Variants in COL13A1 observed in about 807,000 individuals in gnomAD.
COL13A1 encodes collagen type XIII alpha 1 chain.
A neutral mutation model predicts 130.9 loss-of-function variants in COL13A1; 89 were observed. The ratio of observed to expected loss-of-function variants is 0.68; its 90% CI spans 0.57 to 0.81. The LOEUF (loss-of-function observed/expected upper bound fraction) is 0.81. COL13A1 is among the 30% of genes least tolerant of loss of function. COL13A1 has a pLI of 0.00. For missense variants in COL13A1, 879 were observed against 934.6 expected, an observed-to-expected ratio of 0.94 and a Z score of 0.78; for synonymous variants, 402 against 341.6, an observed-to-expected ratio of 1.18 and a Z score of -1.95.
chr10:69,912,530 G>C (rs973959535), intron 17 of COL13A1, among the ~76,000 whole-genome samples: 1 of 152,106 alleles, frequency 6.6e-6, no homozygotes, highest in Middle Eastern at 3.4e-3. Flanking sequence ...CTTGAGGCTT[G>C]AGCTGTCCAC....
intron 27 of COL13A1, among the ~76,000 whole-genome samples, chr10:69,928,519 C>T (rs1490785788): frequency 6.6e-6 from 1 of 152,204 alleles, no homozygotes; most frequent in Admixed American, 6.5e-5. Flanking sequence ...TTGTCATCAG[C>T]ACTTGGTTCT....
intron 17 of COL13A1, among the ~76,000 whole-genome samples, chr10:69,912,569 G>A (rs952840101): frequency 4.9e-5 from 2 of 41,044 alleles, no homozygotes; most frequent in South Asian, 1.1e-3. Flanking sequence ...ACCCCTCCCC[G>A]CAAACTCCCC....
chr10:69,898,118 T>G (rs920263985), intron 13 of COL13A1, among the ~76,000 whole-genome samples: 1 of 152,156 alleles, frequency 6.6e-6, no homozygotes, highest in Non-Finnish European at 1.5e-5. Context: ...GCACTGCCCT[T>G]GACCACCCTC....
chr10:69,920,921 G>A (rs1363135092), intron 21 of COL13A1, among the ~76,000 whole-genome samples: 1 of 152,212 alleles, frequency 6.6e-6, no homozygotes, highest in Non-Finnish European at 1.5e-5. Context: ...TCTGTGAAAT[G>A]AGAATGGGGT....
chr10:69,937,695 C>G lies in COL13A1; in HGVS notation c.1858C>G (p.Arg620Gly). 1 of 1,567,576 alleles carries G rather than the reference C, an allele frequency of 6.4e-7. No homozygotes were observed. Among genetic ancestry groups the G allele is most frequent in the Non-Finnish European group, 8.8e-7 (1 of 1,137,600 alleles). ...EKGFQGEKGD[R>G]GPLGLPGASG... Reference sequence around the variant, plus strand: ...AGGCTTCCAGGGAGAAAAAGGAGACCGTGGTCCCCTGGGACTACCCGTAAG... The same window carrying G: ...AGGCTTCCAGGGAGAAAAAGGAGACGGTGGTCCCCTGGGACTACCCGTAAG... The change falls in exon 34 of 41, where the codon CGT becomes GGT. Residue 620 changes from arginine (R) to glycine (G), a missense_variant. Arg to Gly is a moderately radical substitution (Grantham distance 125). Transcript: ENST00000645393.
chr10:69,937,793 G>A, intron 34 of COL13A1, 78 bp downstream of exon 34: 1 of 727,742 alleles, frequency 1.4e-6, no homozygotes, highest in South Asian at 1.6e-5. Context: ...ACAGCCAGCG[G>A]AAAGCTAAGG....
intron 1 of COL13A1, among the ~76,000 whole-genome samples, chr10:69,814,454 G>A (rs554756859): frequency 6.6e-6 from 1 of 152,314 alleles, no homozygotes; most frequent in East Asian, 1.9e-4. Flanking sequence ...CCTGGCACTG[G>A]CTCAAGAGAG....
At chr10:69,860,843 T>C in intron 2 of COL13A1, 1 of 168,396 alleles carries the variant, frequency 5.9e-6, no homozygotes. Flanking sequence ...GCTCAAACTG[T>C]CTCACCAGAG....
intron 6 of COL13A1, 44 bp downstream of exon 6, chr10:69,878,109 C>T: frequency 1.4e-6 from 1 of 702,668 alleles, no homozygotes; most frequent in Middle Eastern, 2.3e-4. Context: ...CAGCCTCCTC[C>T]TCCAGGTGGA....
At chr10:69,930,580 G>T (rs191277764) in intron 30 of COL13A1, 28 bp downstream of exon 30, 2 of 1,605,586 alleles carry the variant, frequency 1.2e-6, no homozygotes, top group Admixed American at 1.7e-5. Flanking sequence ...CTGCCCTTCC[G>T]TGCATACACC....
At chr10:69,918,759 CA>C (rs2064244086) in intron 19 of COL13A1, among the ~76,000 whole-genome samples, 1 of 152,238 alleles carries the variant, frequency 6.6e-6, no homozygotes, top group Non-Finnish European at 1.5e-5. Flanking sequence ...GGTGCACTTA[CA>C]GGGGGCACCA....
At chr10:69,827,926 C>A (rs184092430) in intron 2 of COL13A1, among the ~76,000 whole-genome samples, 1 of 152,272 alleles carries the variant, frequency 6.6e-6, no homozygotes, top group Non-Finnish European at 1.5e-5. Flanking sequence ...TCTTTGTGGT[C>A]CTTCTTATTT....
chr10:69,836,798 C>G (rs1286772132), intron 2 of COL13A1, among the ~76,000 whole-genome samples: 6 of 152,222 alleles, frequency 3.9e-5, no homozygotes, highest in Admixed American at 3.3e-4. Flanking sequence ...CAAGTATGGG[C>G]AGAGGCTCCC....
At chr10:69,908,285 T>C (rs914552461) in intron 17 of COL13A1, among the ~76,000 whole-genome samples, 1 of 152,176 alleles carries the variant, frequency 6.6e-6, no homozygotes, top group South Asian at 2.1e-4. Context: ...GTGAATGAAA[T>C]GGCAAGACCT....
rs145723157 is a variant in COL13A1 at position 69,910,899 on chromosome 10, G to C, written c.921+5077G>C. On this transcript the variant is annotated intron_variant, in intron 17 of 40. Coordinates refer to ENST00000645393, the MANE Select transcript of COL13A1 (RefSeq NM_001368882.1). ...GGGGGCGCATTTGATGCCTGTGGTG[G>C]CCTGGATGTTAAGCCTCATGGTTTG... 4.5e-4 allele frequency among the ~76,000 whole-genome samples: 69 copies of C among 152,336 alleles called. No homozygotes were observed. The East Asian group carries it at 0.012, about 27-fold the overall frequency.
In COL13A1 at chr10:69,830,295, A is replaced by G. The variant is rs114423468; in HGVS notation, c.364+7857A>G. Among the ~76,000 whole-genome samples, 1,105 of 152,384 alleles carry G rather than the reference A, an allele frequency of 7.3e-3. 13 individuals carry two copies. The highest frequency in any genetic ancestry group is 0.025 in the African/African-American group (1,036 of 41,586). ...ATGCTCACTGCAACACTACTGTAGT[A>G]AGAAAAAAGGAAAAGAAAAGAAAAG... On this transcript the variant is annotated intron_variant, in intron 2 of 40. Transcript: ENST00000645393.
In COL13A1 at chr10:69,846,940, A is replaced by T. The variant is rs539240391; in HGVS notation, c.365-20858A>T. On this transcript the variant is annotated intron_variant, in intron 2 of 40. Coordinates refer to ENST00000645393, the MANE Select transcript of COL13A1 (RefSeq NM_001368882.1). ...TCAAGTGGGGGTGCTTCCCAGCGGG[A>T]GCCACGGCCCTCATTAGGGGCTCAC... is the stretch of plus-strand genomic sequence containing the variant. Among the ~76,000 whole-genome samples the T allele has an allele frequency of 3.8e-4, 58 of 152,292 alleles. 1 individual carries two copies. The South Asian group carries it at 7.5e-3, about 20-fold the overall frequency.
intron 2 of COL13A1, among the ~76,000 whole-genome samples, chr10:69,858,133 A>AAAAAAAAAC (rs1856985273): frequency 6.6e-6 from 1 of 151,210 alleles, no homozygotes. Flanking sequence ...AAAAAAAAAA[A>AAAAAAAAAC]AAGATTGGTG....
At chr10:69,932,639 G>A (rs750144958) in intron 31 of COL13A1, 35 bp downstream of exon 31, 26 of 1,418,992 alleles carry the variant, frequency 1.8e-5, no homozygotes, top group Non-Finnish European at 2.5e-5. Context: ...GACTCATCAA[G>A]CGACAGTCTC....
Sources: gnomAD v4.1 joint callset for allele counts (sites outside exome capture counted in the v4.1 genomes callset) on GRCh38, gnomAD v4.1.1 for gene constraint, MANE v1.5 for transcripts, NCBI Gene and HGNC (gene_info 2026-07-23, HGNC 2026-07-21) for gene names.